PDE11A: variants seen among roughly 807,000 people sequenced by gnomAD.
PDE11A encodes the protein phosphodiesterase 11A.
A neutral mutation model predicts 100.5 loss-of-function variants in PDE11A; 100 were observed. The ratio of observed to expected loss-of-function variants is 1.00; its 90% CI spans 0.85 to 1.18. PDE11A has a LOEUF of 1.18. Among genes scored for constraint, PDE11A ranks in the 50% most tolerant of loss-of-function variants. The pLI, the probability that PDE11A is intolerant of heterozygous loss-of-function variation, is 0.00. For missense variants in PDE11A, 1,141 were observed against 1,152.6 expected (o/e 0.99, Z 0.15); for synonymous variants, 381 against 420.8 (o/e 0.91, Z 1.16).
chr2:177,709,565 A>G (rs778626936), intron 13 of PDE11A, among the ~76,000 whole-genome samples: 1 of 152,136 alleles, frequency 6.6e-6, no homozygotes, highest in African/African-American at 2.4e-5. Context: ...TAAGCTGGGA[A>G]TTATGGTTCA....
At chr2:177,665,090 A>T (rs1393514829) in intron 18 of PDE11A, among the ~76,000 whole-genome samples, 1 of 152,208 alleles carries the variant, frequency 6.6e-6, no homozygotes, top group Non-Finnish European at 1.5e-5. Context: ...GGGAAATAGC[A>T]GGAAAGAAGA....
At chr2:177,972,436 G>A (rs915124075) in intron 2 of PDE11A, among the ~76,000 whole-genome samples, 1 of 152,198 alleles carries the variant, frequency 6.6e-6, no homozygotes, top group South Asian at 2.1e-4. Flanking sequence ...TGGGGAGAAA[G>A]CCAAATTAAA....
At chr2:177,666,650 T>C (rs867345977) in intron 18 of PDE11A, among the ~76,000 whole-genome samples, 4 of 152,312 alleles carry the variant, frequency 2.6e-5, no homozygotes, top group Middle Eastern at 3.4e-3. Context: ...TGATGACTAA[T>C]GATTTTGAGC....
intron 9 of PDE11A, among the ~76,000 whole-genome samples, chr2:177,791,217 A>G (rs1375252020): frequency 2.0e-5 from 3 of 152,168 alleles, no homozygotes; most frequent in Admixed American, 2.0e-4. Context: ...ATAAAAAATG[A>G]TGAGTTCATG....
chr2:177,703,455 C>A (rs1559150960), intron 13 of PDE11A, among the ~76,000 whole-genome samples: 1 of 152,110 alleles, frequency 6.6e-6, no homozygotes, highest in Non-Finnish European at 1.5e-5. Flanking sequence ...TTATAACATA[C>A]ATTTCTGACA....
intron 10 of PDE11A, among the ~76,000 whole-genome samples, chr2:177,747,865 C>T (rs186018293): frequency 7.9e-5 from 12 of 152,058 alleles, no homozygotes; most frequent in East Asian, 5.8e-4. Flanking sequence ...GATAGTAGGC[C>T]GATCCCTGCT....
intron 4 of PDE11A, among the ~76,000 whole-genome samples, chr2:177,892,603 T>G (rs2084547536): frequency 6.6e-6 from 1 of 152,248 alleles, no homozygotes; most frequent in Non-Finnish European, 1.5e-5. Flanking sequence ...CATTTCAGAT[T>G]TAGACTCATT....
chr2:178,076,002 C>A (rs929559442), upstream of PDE11A, among the ~76,000 whole-genome samples: 1 of 152,166 alleles, frequency 6.6e-6, no homozygotes, highest in Non-Finnish European at 1.5e-5. Context: ...CTATAATACA[C>A]TCCATGACAA....
chr2:178,070,809 C>T (rs936726005), intron 1 of PDE11A, among the ~76,000 whole-genome samples: 1 of 151,954 alleles, frequency 6.6e-6, no homozygotes, highest in Non-Finnish European at 1.5e-5. Context: ...AAATTAAAAA[C>T]CTACTTGCTC....
chr2:177,839,397 T>C (rs1478827423), intron 6 of PDE11A, among the ~76,000 whole-genome samples: 1 of 152,234 alleles, frequency 6.6e-6, no homozygotes, highest in African/African-American at 2.4e-5. Flanking sequence ...GTAGCCAGTG[T>C]GATCATTCTA....
At chr2:178,016,059 G>C (rs1037074790) in intron 1 of PDE11A, among the ~76,000 whole-genome samples, 1 of 151,436 alleles carries the variant, frequency 6.6e-6, no homozygotes, top group Non-Finnish European at 1.5e-5. Context: ...CCACCTCCCG[G>C]GTTCAAGCGA....
intron 2 of PDE11A, among the ~76,000 whole-genome samples, chr2:177,917,205 A>G (rs13021356): frequency 6.6e-6 from 1 of 152,022 alleles, no homozygotes; most frequent in Non-Finnish European, 1.5e-5. Context: ...CAAAAAAAAA[A>G]TTAAAGTTCA....
intron 10 of PDE11A, among the ~76,000 whole-genome samples, chr2:177,744,401 T>A (rs1240775823): frequency 6.6e-6 from 1 of 151,882 alleles, no homozygotes; most frequent in Non-Finnish European, 1.5e-5. Context: ...ATGTTCAGAC[T>A]TCTTTCGGAT....
At chr2:177,860,705 C>T (rs911010793) in intron 5 of PDE11A, among the ~76,000 whole-genome samples, 1 of 151,660 alleles carries the variant, frequency 6.6e-6, no homozygotes, top group Non-Finnish European at 1.5e-5. Context: ...TACTAGTAAA[C>T]TAAATCCAGC....
chr2:177,884,378 G>C (rs1429237741), intron 4 of PDE11A, among the ~76,000 whole-genome samples: 1 of 152,142 alleles, frequency 6.6e-6, no homozygotes, highest in Non-Finnish European at 1.5e-5. Flanking sequence ...CTTTTTCTTT[G>C]AGATGTTCAC....
Position 177,948,111 on chromosome 2 carries a change from A to G in PDE11A, c.1072-42924T>C, listed in dbSNP as rs148771618. Among the ~76,000 whole-genome samples the G allele has an allele frequency of 4.9e-3, 749 of 152,232 alleles. 7 individuals are homozygous for G. The highest frequency in any genetic ancestry group is 0.017 in the Middle Eastern group (5 of 294). On this transcript the variant is annotated intron_variant, in intron 2 of 19. Transcript: ENST00000286063. Reference sequence around the variant, plus strand: ...TGTATACACTACGTTTTCATTTAATATAACATGAAAATCCTTTTGTGTTAT... The same window carrying G: ...TGTATACACTACGTTTTCATTTAATGTAACATGAAAATCCTTTTGTGTTAT...
intron 9 of PDE11A, among the ~76,000 whole-genome samples, chr2:177,795,258 A>C (rs748298416): frequency 6.6e-6 from 1 of 152,140 alleles, no homozygotes; most frequent in Non-Finnish European, 1.5e-5. Flanking sequence ...GGAAATAGAC[A>C]TATAAAAATA....
chr2:177,665,497 AAT>A (rs1491263083), intron 18 of PDE11A, among the ~76,000 whole-genome samples: 38 of 143,694 alleles, frequency 2.6e-4, no homozygotes, highest in East Asian at 1.0e-3. Context: ...AAATAATAAT[AAT>A]AAATAAATAA....
At chr2:177,977,439 G>T (rs1261194315) in intron 2 of PDE11A, among the ~76,000 whole-genome samples, 4 of 131,836 alleles carry the variant, frequency 3.0e-5, no homozygotes, top group African/African-American at 5.7e-5. Flanking sequence ...AAATAAAAGA[G>T]GACACAAACA....
Sources: allele counts gnomAD v4.1 joint callset (sites outside exome capture counted in the v4.1 genomes callset), GRCh38; gene constraint gnomAD v4.1.1; transcripts MANE v1.5; gene names NCBI Gene and HGNC (gene_info 2026-07-23, HGNC 2026-07-21).